Variants in KAT2B observed in about 807,000 individuals in gnomAD.
KAT2B encodes the protein lysine acetyltransferase 2B.
Under a neutral mutation model 105.9 loss-of-function variants are expected in KAT2B, and 36 were observed. That is an observed-to-expected ratio of 0.34 (90% CI 0.26 to 0.45). KAT2B has a LOEUF of 0.45. KAT2B is among the 20% of genes least tolerant of loss of function. The pLI is 1.00. For synonymous variants in KAT2B, 397 were observed against 377.9 expected (o/e 1.05, Z -0.59); for missense variants, 820 against 1,021.6 (o/e 0.80, Z 2.69).
intron 5 of KAT2B, among the ~76,000 whole-genome samples, chr3:20,105,402 A>G (rs751991240): frequency 1.3e-5 from 2 of 152,344 alleles, no homozygotes; most frequent in South Asian, 2.1e-4. Context: ...AGGAAAGTGC[A>G]AGTAATTAGT....
At chr3:20,110,438 A>T (rs969978181) in intron 5 of KAT2B, among the ~76,000 whole-genome samples, 2 of 152,020 alleles carry the variant, frequency 1.3e-5, no homozygotes, top group Admixed American at 6.6e-5. Context: ...TGGGAAGCCG[A>T]GGTGGGTGGA....
chr3:20,047,757 C>G (rs1391891018), intron 1 of KAT2B, among the ~76,000 whole-genome samples: 3 of 152,048 alleles, frequency 2.0e-5, no homozygotes, highest in Non-Finnish European at 2.9e-5. Context: ...GGATTACAGG[C>G]AAGTGCCACC....
At chr3:20,068,989 C>T (rs1559517166) in intron 1 of KAT2B, among the ~76,000 whole-genome samples, 2 of 152,174 alleles carry the variant, frequency 1.3e-5, no homozygotes, top group Non-Finnish European at 2.9e-5. Context: ...GGGTGGTTTC[C>T]TCTGACTCTA....
chr3:20,063,637 G>A (rs1698176868), intron 1 of KAT2B, among the ~76,000 whole-genome samples: 1 of 143,834 alleles, frequency 7.0e-6, no homozygotes, highest in Non-Finnish European at 1.5e-5. Context: ...CTGCCTCCCA[G>A]GTTCAAGCAA....
In KAT2B at chr3:20,150,210, T is replaced by G. The variant is rs150539065; in HGVS notation, c.2305+1723T>G. 1.5e-3 allele frequency among the ~76,000 whole-genome samples: 233 copies of G among 152,344 alleles called. 1 individual carries two copies. Among genetic ancestry groups the G allele is most frequent in the African/African-American group, 5.3e-3 (222 of 41,584 alleles). The stretch of plus-strand genomic sequence containing the variant: ...AAAGTTAAAGCTATAAATGGTGTTC[T>G]TCAGTAGGGCAGTATTTTTTTTCTT... On this transcript the variant is annotated intron_variant, in intron 17 of 17. Transcript: ENST00000263754.
rs11926045 is a variant in KAT2B, at chr3:20,148,086, G to A, written c.2156+87G>A. On this transcript the variant is annotated intron_variant, in intron 15 of 17. Coordinates refer to ENST00000263754, the MANE Select transcript of KAT2B (RefSeq NM_003884.5). Reference sequence around the variant, plus strand: ...CTTAAAGAAAAACGGCAAACTAATTGTAATCACTAACACAACAGTTGGTGG... The same window carrying A: ...CTTAAAGAAAAACGGCAAACTAATTATAATCACTAACACAACAGTTGGTGG... 8.9e-3 allele frequency: 12,630 copies of A among 1,417,040 alleles called. 838 individuals are homozygous for A. The African/African-American group carries it at 0.15, about 17-fold the overall frequency. 87.8% of individuals were successfully genotyped at this position (1,417,040 alleles called of 1,614,324 possible). A position where few individuals can be genotyped will look rare whatever the true frequency, so the allele number is the denominator to read the frequency against.
chr3:20,143,475 G>C (rs1699728578), intron 13 of KAT2B, among the ~76,000 whole-genome samples: 1 of 152,150 alleles, frequency 6.6e-6, no homozygotes, highest in Non-Finnish European at 1.5e-5. Flanking sequence ...GCCGTTTGGA[G>C]ATTTCTCAAA....
At chr3:20,095,139 C>G in intron 2 of KAT2B, 124 bp from the exon 3 acceptor site, 2 of 714,828 alleles carry the variant, frequency 2.8e-6, no homozygotes, top group Non-Finnish European at 4.6e-6. Context: ...GAAATTTTCT[C>G]TTATTACCAG....
At chr3:20,054,824 A>G (rs1297765204) in intron 1 of KAT2B, among the ~76,000 whole-genome samples, 5 of 152,148 alleles carry the variant, frequency 3.3e-5, no homozygotes, top group Admixed American at 3.3e-4. Context: ...ATTGGCACAT[A>G]CTCACAGGAC....
At chr3:20,062,373 ATATAT>A (rs373419053) in intron 1 of KAT2B, among the ~76,000 whole-genome samples, 19,451 of 118,684 alleles carry the variant, frequency 0.16, 2,286 homozygotes, top group Non-Finnish European at 0.25. Context: ...ATAATTTATA[ATATAT>A]TATATATAAC....
At chr3:20,146,248 G>T (rs1443045164) in intron 13 of KAT2B, 68 bp from the exon 14 acceptor site, 1 of 874,636 alleles carries the variant, frequency 1.1e-6, no homozygotes, top group South Asian at 1.4e-5. Context: ...CATTTCATTA[G>T]GTTGACTGAC....
intron 17 of KAT2B, among the ~76,000 whole-genome samples, chr3:20,150,437 G>A (rs895188460): frequency 1.5e-4 from 23 of 152,030 alleles, no homozygotes; most frequent in African/African-American, 5.3e-4. Flanking sequence ...TTTACTTAGG[G>A]AGTCACACAC....
At chr3:20,062,002 T>TATAATATATATTATATATAAAAC (rs1559513912) in intron 1 of KAT2B, among the ~76,000 whole-genome samples, 5 of 71,350 alleles carry the variant, frequency 7.0e-5, no homozygotes, top group South Asian at 4.5e-4. Flanking sequence ...ATATAAAACA[T>TATAATATATATTATATATAAAAC]ATAATATATA....
At chr3:20,151,916 ATTGTT>A (rs1398904449) in intron 17 of KAT2B, among the ~76,000 whole-genome samples, 1 of 152,084 alleles carries the variant, frequency 6.6e-6, no homozygotes, top group Non-Finnish European at 1.5e-5. Flanking sequence ...ATGCAGTCTG[ATTGTT>A]TTAAGTAATT....
intron 2 of KAT2B, among the ~76,000 whole-genome samples, chr3:20,087,481 T>C (rs1698641606): frequency 6.6e-6 from 1 of 152,322 alleles, no homozygotes; most frequent in Admixed American, 6.5e-5. Flanking sequence ...AGCATATCTA[T>C]CACCTCACAT....
chr3:20,141,295 G>C (rs549355646), intron 13 of KAT2B, among the ~76,000 whole-genome samples: 1 of 151,940 alleles, frequency 6.6e-6, no homozygotes, highest in African/African-American at 2.4e-5. Flanking sequence ...TTATGCATAT[G>C]AATGAAAAGA....
chr3:20,081,355 T>C (rs1397099839), intron 2 of KAT2B, among the ~76,000 whole-genome samples: 1 of 152,158 alleles, frequency 6.6e-6, no homozygotes, highest in Non-Finnish European at 1.5e-5. Context: ...ACAGTGACAG[T>C]GTGCTTCCTG....
At chr3:20,121,690 G>GTT (rs1699309693) in intron 8 of KAT2B, among the ~76,000 whole-genome samples, 1 of 122,180 alleles carries the variant, frequency 8.2e-6, no homozygotes, top group Non-Finnish European at 1.8e-5. Flanking sequence ...CAAATATATA[G>GTT]CTATATATAC....
intron 1 of KAT2B, among the ~76,000 whole-genome samples, chr3:20,054,406 C>T (rs918974364): frequency 6.6e-6 from 1 of 152,128 alleles, no homozygotes; most frequent in African/African-American, 2.4e-5. Flanking sequence ...GGATTGATTA[C>T]AGATGTGAAG....
Sources: allele counts gnomAD v4.1 joint callset (sites outside exome capture counted in the v4.1 genomes callset), GRCh38; gene constraint gnomAD v4.1.1; transcripts MANE v1.5; gene names NCBI Gene and HGNC (gene_info 2026-07-23, HGNC 2026-07-21).